Variants in COL16A1 observed in about 807,000 individuals in gnomAD.
COL16A1 encodes the protein collagen type XVI alpha 1 chain.
In COL16A1, 189 loss-of-function variants were observed where a neutral mutation model predicts 266.3. The observed-to-expected ratio is 0.71, with a 90% CI of 0.63 to 0.80. The LOEUF (loss-of-function observed/expected upper bound fraction) is 0.80. Among genes scored for constraint, COL16A1 ranks in the 30% least tolerant of loss-of-function variants. The pLI is 0.00. For synonymous variants in COL16A1, 740 were observed against 782.3 expected, an observed-to-expected ratio of 0.95 and a Z score of 0.90; for missense variants, 1,928 against 2,122.4, an observed-to-expected ratio of 0.91 and a Z score of 1.80.
intron 42 of COL16A1, chr1:31,679,360 G>A: frequency 6.8e-7 from 1 of 1,478,824 alleles, no homozygotes; most frequent in East Asian, 2.5e-5. Context: ...CTCTGTACCA[G>A]GGTAAGGGAT....
In COL16A1 at chr1:31,697,316, A is replaced by G. The variant is rs773655304; in HGVS notation, c.658-16T>C. 1.3e-6 allele frequency: 2 copies of G among 1,595,064 alleles called. No homozygotes were observed. Among genetic ancestry groups the G allele is most frequent in the South Asian group, 1.1e-5 (1 of 88,540 alleles). ...GAAGGTCAAACTGCAGGAGACACAC[A>G]CATCAATTTCACTTCATTTTATCAA... On this transcript the variant is annotated splice_polypyrimidine_tract_variant and intron_variant, in intron 6 of 70. Coordinates refer to ENST00000373672, the MANE Select transcript of COL16A1 (RefSeq NM_001856.4). This position sits in a 1 kb window ranked among gnomAD's most constrained non-coding sequence, Gnocchi z 4.2.
rs1318475177 is a variant in COL16A1 at position 31,692,525 on chromosome 1, G to A, written c.1159-16C>T. On this transcript the variant is annotated splice_polypyrimidine_tract_variant and intron_variant, in intron 15 of 70. Coordinates refer to ENST00000373672, the MANE Select transcript of COL16A1 (RefSeq NM_001856.4). ...CTGAGGGTCCCTGAGATGAGGAAGGGAGACAGAGGAAGGGAGGGTAAGGCT... is the reference window on the plus strand; with the variant it reads ...CTGAGGGTCCCTGAGATGAGGAAGGAAGACAGAGGAAGGGAGGGTAAGGCT... 1.2e-6 allele frequency: 2 copies of A among 1,613,920 alleles called. No homozygotes were observed. The highest frequency in any genetic ancestry group is 2.7e-5 in the African/African-American group (2 of 74,910).
chr1:31,680,365 T>C (rs1459509867), intron 39 of COL16A1, among the ~76,000 whole-genome samples: 1 of 152,152 alleles, frequency 6.6e-6, no homozygotes, highest in Non-Finnish European at 1.5e-5. Context: ...TGTCGCATGG[T>C]GATTATTCAG....
chr1:31,654,078 A>T (rs1201410266), intron 68 of COL16A1, 35 bp from the exon 69 acceptor site: 1 of 1,584,636 alleles, frequency 6.3e-7, no homozygotes, highest in Non-Finnish European at 8.6e-7. Context: ...GACAGGTCAG[A>T]GGGTCCCCCA....
At chr1:31,667,461 G>T in intron 52 of COL16A1, 114 bp downstream of exon 52, 2 of 836,114 alleles carry the variant, frequency 2.4e-6, no homozygotes, top group Non-Finnish European at 3.7e-6. Context: ...TTGGGGGCAG[G>T]GGGGCAGCAG....
At chr1:31,681,440 T>G (rs769528272) in intron 37 of COL16A1, among the ~76,000 whole-genome samples, 5 of 152,220 alleles carry the variant, frequency 3.3e-5, no homozygotes, top group Non-Finnish European at 7.3e-5. Flanking sequence ...GTCTCTGCTC[T>G]CTCCTCTCTC....
At position 31,664,895 on chromosome 1, in the gene COL16A1, C is replaced by T. The variant is rs1246374426; in HGVS notation, c.3555+277G>A. Among the ~76,000 whole-genome samples the T allele has an allele frequency of 6.6e-6, 1 of 152,178 alleles. No homozygotes were observed. Among genetic ancestry groups the T allele is most frequent in the Non-Finnish European group, 1.5e-5 (1 of 68,024 alleles). The stretch of plus-strand genomic sequence containing the variant: ...CCCCTGCCTCCTCCCCACCTACCTC[C>T]CTGCCTTTCCCCCCATCACAGCAGA... On this transcript the variant is annotated intron_variant, in intron 56 of 70. Transcript: ENST00000373672. The surrounding 1 kb of genome is among the most constrained non-coding windows in gnomAD (Gnocchi z 5.5).
intron 23 of COL16A1, chr1:31,689,352 A>G: frequency 3.3e-6 from 2 of 602,008 alleles, no homozygotes; most frequent in South Asian, 4.1e-5. Flanking sequence ...GACAGCTCCC[A>G]GGTGCTCCTG....
chr1:31,695,197 G>A lies in COL16A1; in HGVS notation c.970C>T (p.Arg324Trp), dbSNP rs569265917. The change falls in exon 11 of 71, where the codon CGG becomes TGG. Residue 324 changes from arginine to tryptophan, a missense_variant. Arg to Trp is a moderately radical substitution (Grantham distance 101). This residue lies in a region of COL16A1 where 1,552 missense variants were observed against 1,637.2 expected (regional missense o/e 0.95). Transcript: ENST00000373672. ...DECPPCVHGA[R>W]DSNVTLAPSG... is the part of the protein sequence containing the mutation. ...CTCCATTCACTCACATTGCTGTCCC[G>A]GGCACCATGGACACAGGGCGGACAC... 4.7e-5 allele frequency: 76 copies of A among 1,613,812 alleles called. 1 individual carries two copies. The Middle Eastern group carries it at 1.7e-3, about 35-fold the overall frequency.
rs781035073 is a variant in COL16A1, at chr1:31,660,591, T to C, written c.3873A>G (p.Gly1291=). The change falls in exon 62 of 71, where the codon GGA becomes GGG. Residue 1291 remains glycine, a synonymous_variant. Transcript: ENST00000373672. ...MGPQGRPGPP[G]HVGPPGPPGQ... ...CAAAAGTGGTTCAACTCACAACGTG[T>C]CCCGGGGGACCGGGTCTTCCCTGGG... 2.0e-5 allele frequency: 32 copies of C among 1,614,010 alleles called. No homozygotes were observed. The highest frequency in any genetic ancestry group is 2.6e-5 in the Non-Finnish European group (31 of 1,180,008).
intron 62 of COL16A1, chr1:31,660,064 C>G (rs1196143223): frequency 7.0e-6 from 1 of 143,478 alleles, no homozygotes; most frequent in Non-Finnish European, 1.5e-5. Context: ...ATGCCAGTAT[C>G]TTCGCTTTTC....
chr1:31,692,083 G>C lies in COL16A1; in HGVS notation c.1195-16C>G, dbSNP rs201234925. On this transcript the variant is annotated splice_polypyrimidine_tract_variant and intron_variant, in intron 16 of 70. Transcript: ENST00000373672. The stretch of plus-strand genomic sequence containing the variant: ...CTTTCTGGCCCTGGGGAAGGAAGAA[G>C]CAGAGTGACCAGGATGAGGGAAGGG... 1 of 1,613,606 alleles carries C rather than the reference G, an allele frequency of 6.2e-7. No homozygotes were observed. Among genetic ancestry groups the C allele is most frequent in the South Asian group, 1.1e-5 (1 of 91,090 alleles).
intron 10 of COL16A1, 64 bp from the exon 11 acceptor site, chr1:31,695,285 C>A: frequency 6.7e-7 from 1 of 1,487,170 alleles, no homozygotes; most frequent in Non-Finnish European, 9.4e-7. Context: ...TCCCCACCTC[C>A]ATCACCACCA....
chr1:31,659,065 C>G, intron 62 of COL16A1, 101 bp from the exon 63 acceptor site: 1 of 1,071,212 alleles, frequency 9.3e-7, no homozygotes, highest in Non-Finnish European at 1.4e-6. Flanking sequence ...ACTTCAGCAG[C>G]TCCATTTCCT....
rs770190648 is a variant in COL16A1, at chr1:31,655,344, G to A, written c.4260C>T (p.Ser1420=). The A allele has an allele frequency of 6.2e-7, 1 of 1,613,592 alleles. No homozygotes were observed. The highest frequency in any genetic ancestry group is 1.1e-5 in the South Asian group (1 of 91,056). ...AGCCAGGCACACCAGGCAAGCCAGG[G>A]CTCCCCGAAGGCCCCGGAGCTCCAG... ...GHPGAPGPSG[S]PGLPGVPGSM... The change falls in exon 67 of 71, where the codon AGC becomes AGT. Residue 1420 remains serine (S), a synonymous_variant. Coordinates refer to ENST00000373672, the MANE Select transcript of COL16A1 (RefSeq NM_001856.4).
Position 31,672,854 on chromosome 1 carries a change from G to C in COL16A1, c.2860-14C>G, listed in dbSNP as rs951760729. ...CCCGCAGATACTCTGATCAGGGAGT[G>C]GGGAGAGGAGTGGGGCCTGGGTTAG... On this transcript the variant is annotated splice_polypyrimidine_tract_variant and intron_variant, in intron 44 of 70. Transcript: ENST00000373672. 14 of 1,612,066 alleles carry C rather than the reference G, an allele frequency of 8.7e-6. No individual in the cohort carries two copies. Among genetic ancestry groups the C allele is most frequent in the Non-Finnish European group, 1.2e-5 (14 of 1,178,656 alleles).
intron 42 of COL16A1, among the ~76,000 whole-genome samples, chr1:31,676,368 C>G (rs898180410): frequency 6.6e-6 from 1 of 151,418 alleles, no homozygotes; most frequent in African/African-American, 2.4e-5. Flanking sequence ...AGTAACTTGC[C>G]AAAGGTCACA....
At chr1:31,693,005 G>T in intron 13 of COL16A1, 87 bp downstream of exon 13, 1 of 1,017,180 alleles carries the variant, frequency 9.8e-7, no homozygotes, top group Non-Finnish European at 1.5e-6. Context: ...GCTTTCTGCC[G>T]GGATGATGGG....
intron 55 of COL16A1, 74 bp downstream of exon 55, chr1:31,665,509 C>T: frequency 6.2e-7 from 1 of 1,612,788 alleles, no homozygotes; most frequent in Non-Finnish European, 8.5e-7. Context: ...CCTACCCCAG[C>T]CTGGCCTGGT....
Sources: allele counts gnomAD v4.1 joint callset (sites outside exome capture counted in the v4.1 genomes callset), GRCh38; gene constraint gnomAD v4.1.1; regional missense constraint gnomAD v4.1.1; non-coding constraint Gnocchi (gnomAD v3.1); transcripts MANE v1.5; gene names NCBI Gene and HGNC (gene_info 2026-07-23, HGNC 2026-07-21).